Variants in PABPC4L observed in about 807,000 individuals in gnomAD.
The protein encoded by PABPC4L is poly(A) binding protein cytoplasmic 4 like, also known as polyadenylate-binding protein 4-like.
For missense variants in PABPC4L, 452 were observed against 451.4 expected, an observed-to-expected ratio of 1.00 and a Z score of -0.01; for synonymous variants, 169 against 164.1, an observed-to-expected ratio of 1.03 and a Z score of -0.23.
At chr4:134,128,590 T>A in the PABPC4L span, among the ~76,000 whole-genome samples, 1 of 152,252 alleles carries the variant, frequency 6.6e-6, no homozygotes, top group Admixed American at 6.5e-5. Context: ...CAGTCTTTTT[T>A]CAGACAAAAA....
At chr4:133,984,578 A>G in the PABPC4L span, among the ~76,000 whole-genome samples, 2 of 151,908 alleles carry the variant, frequency 1.3e-5, no homozygotes, top group African/African-American at 4.8e-5. Context: ...GAAATCTATG[A>G]AAGTCAGGAT....
the PABPC4L span, among the ~76,000 whole-genome samples, chr4:133,971,528 T>C: frequency 6.6e-6 from 1 of 152,206 alleles, no homozygotes; most frequent in African/African-American, 2.4e-5. Flanking sequence ...TTCTACTCTG[T>C]CCTCCAGTTT....
At position 134,199,985 on chromosome 4, in the gene PABPC4L, A is replaced by G. The variant is rs1257056435; in HGVS notation, c.1035T>C (p.Ala345=). Residue 345 remains alanine (A), a synonymous_variant, in exon 2 of 2, where the codon GCT becomes GCC. Coordinates refer to ENST00000421491, the MANE Select transcript of PABPC4L (RefSeq NM_001114734.2). ...CATTCATCTCAGTCATTGCTTTAGT[A>G]GCATCCTCAGGAGAGGAGAAGCAGA... ...GLICFSSPED[A]TKAMTEMNGR... 5 of 1,551,668 alleles carry G rather than the reference A, an allele frequency of 3.2e-6. No individual in the cohort carries two copies. Among genetic ancestry groups the G allele is most frequent in the Non-Finnish European group, 3.5e-6 (4 of 1,146,970 alleles).
At chr4:134,121,227 T>C in the PABPC4L span, among the ~76,000 whole-genome samples, 1 of 151,330 alleles carries the variant, frequency 6.6e-6, no homozygotes, top group African/African-American at 2.4e-5. Flanking sequence ...ATATAAATTA[T>C]AATTATTTTG....
chr4:134,055,977 A>G, the PABPC4L span, among the ~76,000 whole-genome samples: 4 of 152,016 alleles, frequency 2.6e-5, no homozygotes, highest in East Asian at 7.7e-4. Context: ...ATGTATTTTG[A>G]GCTAATATTT....
the PABPC4L span, among the ~76,000 whole-genome samples, chr4:134,046,165 T>G: frequency 1.3e-5 from 2 of 152,134 alleles, no homozygotes; most frequent in South Asian, 2.1e-4. Context: ...TCAGAATTTA[T>G]TGATTACTAT....
chr4:133,971,822 C>A, the PABPC4L span, among the ~76,000 whole-genome samples: 2 of 152,122 alleles, frequency 1.3e-5, no homozygotes, highest in Admixed American at 1.3e-4. Flanking sequence ...ATGTTGCAAC[C>A]TTAGATCCCA....
the PABPC4L span, among the ~76,000 whole-genome samples, chr4:134,119,195 G>T: frequency 6.0e-5 from 9 of 150,846 alleles, no homozygotes; most frequent in East Asian, 2.0e-4. Flanking sequence ...GGAGAACCAT[G>T]AAATTTTATA....
chr4:134,173,992 A>G, the PABPC4L span, among the ~76,000 whole-genome samples: 1 of 152,140 alleles, frequency 6.6e-6, no homozygotes, highest in Admixed American at 6.5e-5. Flanking sequence ...TGTACAGAAT[A>G]TTTAGTACAG....
At chr4:134,190,965 T>C in the PABPC4L span, among the ~76,000 whole-genome samples, 1 of 152,160 alleles carries the variant, frequency 6.6e-6, no homozygotes, top group Non-Finnish European at 1.5e-5. Context: ...ATTCAAAATA[T>C]TTTAAATGTC....
At chr4:134,018,209 A>G in the PABPC4L span, among the ~76,000 whole-genome samples, 4 of 151,428 alleles carry the variant, frequency 2.6e-5, no homozygotes, top group African/African-American at 7.3e-5. Context: ...CCAGAGAACA[A>G]CCCCCCTTTG....
chr4:134,157,786 T>C, the PABPC4L span, among the ~76,000 whole-genome samples: 3 of 151,854 alleles, frequency 2.0e-5, no homozygotes, highest in Non-Finnish European at 4.4e-5. Flanking sequence ...CTGTCACTTA[T>C]ATAAAGTGAA....
At chr4:134,137,088 AT>A in the PABPC4L span, among the ~76,000 whole-genome samples, 1 of 151,978 alleles carries the variant, frequency 6.6e-6, no homozygotes, top group Non-Finnish European at 1.5e-5. Flanking sequence ...AGGAAGACCA[AT>A]TTTTATGTGA....
At chr4:134,093,978 C>T in the PABPC4L span, among the ~76,000 whole-genome samples, 1 of 151,562 alleles carries the variant, frequency 6.6e-6, no homozygotes, top group African/African-American at 2.4e-5. Flanking sequence ...GCTGCCATAG[C>T]CCAGGGATTT....
downstream of PABPC4L, among the ~76,000 whole-genome samples, chr4:134,193,373 T>G (rs1729567113): frequency 1.3e-5 from 2 of 151,954 alleles, no homozygotes; most frequent in Non-Finnish European, 2.9e-5. Flanking sequence ...AAGAATGAGC[T>G]ATTACTTAAA....
chr4:133,954,683 G>T, the PABPC4L span, among the ~76,000 whole-genome samples: 1 of 151,822 alleles, frequency 6.6e-6, no homozygotes, highest in African/African-American at 2.4e-5. Flanking sequence ...GCTTTTCCCC[G>T]TGTACATTTA....
chr4:134,163,126 G>A, the PABPC4L span, among the ~76,000 whole-genome samples: 1 of 152,120 alleles, frequency 6.6e-6, no homozygotes, highest in African/African-American at 2.4e-5. Context: ...AGAAGAACCA[G>A]GAAGAGAGAA....
the PABPC4L span, among the ~76,000 whole-genome samples, chr4:134,146,351 G>GCAA: frequency 2.6e-5 from 4 of 151,284 alleles, no homozygotes; most frequent in African/African-American, 9.7e-5. Flanking sequence ...GATTTTTAAT[G>GCAA]TTTTTTTCTA....
chr4:134,106,659 T>A, the PABPC4L span, among the ~76,000 whole-genome samples: 1 of 151,552 alleles, frequency 6.6e-6, no homozygotes, highest in East Asian at 1.9e-4. Flanking sequence ...ATAGAAAAAA[T>A]TGGAAAGGAA....
Sources: allele counts gnomAD v4.1 joint callset (sites outside exome capture counted in the v4.1 genomes callset), GRCh38; gene constraint gnomAD v4.1.1; transcripts MANE v1.5; gene names NCBI Gene and HGNC (gene_info 2026-07-23, HGNC 2026-07-21).